The following ZNF804A variants were observed in gnomAD, a reference collection of about 807,000 sequenced individuals.
The protein encoded by ZNF804A is zinc finger protein 804A.
A neutral mutation model predicts 16.5 loss-of-function variants in ZNF804A; 2 were observed. The ratio of observed to expected loss-of-function variants is 0.12; its 90% CI spans 0.05 to 0.38. The LOEUF (loss-of-function observed/expected upper bound fraction) is 0.38, where lower values mean the gene tolerates loss of function less well. Among genes scored for constraint, ZNF804A ranks in the 10% least tolerant of loss-of-function variants. The probability of loss-of-function intolerance (pLI) is 0.99; values close to 1 mark genes in which losing one functional copy is unlikely to be tolerated. For missense variants in ZNF804A, 1,473 were observed against 1,390.7 expected, an observed-to-expected ratio of 1.06 and a Z score of -0.94; for synonymous variants, 534 against 489.6, an observed-to-expected ratio of 1.09 and a Z score of -1.20.
intron 1 of ZNF804A, among the ~76,000 whole-genome samples, chr2:184,623,161 A>G (rs1312631888): frequency 1.3e-5 from 2 of 152,118 alleles, no homozygotes; most frequent in Non-Finnish European, 2.9e-5. Flanking sequence ...CAATAATAGT[A>G]AGTACAACAT....
Position 184,936,700 on chromosome 2 carries a change from C to T in ZNF804A, c.1304C>T (p.Thr435Ile). The T allele has an allele frequency of 6.2e-7, 1 of 1,613,652 alleles. No homozygotes were observed. The highest frequency in any genetic ancestry group is 8.5e-7 in the Non-Finnish European group (1 of 1,179,830). ...CCTGTCCTTAACAAACACAGATCTA[C>T]AGTTCTTCAGTGGCCATCAGAAATG... ...FVPVLNKHRS[T>I]VLQWPSEMLV... The change falls in exon 4 of 4, where the codon ACA becomes ATA. Residue 435 changes from threonine to isoleucine, a missense_variant. Transcript: ENST00000302277.
chr2:184,906,748 A>T (rs558817624), intron 2 of ZNF804A, among the ~76,000 whole-genome samples: 7 of 152,302 alleles, frequency 4.6e-5, no homozygotes, highest in Admixed American at 2.0e-4. Context: ...TTGCGATACA[A>T]TTAAGATCTC....
At chr2:184,631,358 G>C (rs1691606519) in intron 1 of ZNF804A, among the ~76,000 whole-genome samples, 1 of 152,100 alleles carries the variant, frequency 6.6e-6, no homozygotes, top group Admixed American at 6.6e-5. Flanking sequence ...GTGCTTTGGA[G>C]TTACCATTAT....
rs148931756 is a variant in ZNF804A, at chr2:184,936,065, C to T, written c.669C>T (p.Ser223=). The T allele has an allele frequency of 1.3e-5, 21 of 1,613,818 alleles. No homozygotes were observed. In the Middle Eastern group the frequency reaches 4.9e-4, roughly 38 times the overall value. Residue 223 remains serine, a synonymous_variant, in exon 4 of 4, where the codon TCC becomes TCT. Transcript: ENST00000302277. ...CTTTTGCATTTCCAAAGAAAGCGTC[C>T]GTGAAGCTAGAGTCCTCAGCTGCAG... is the stretch of plus-strand genomic sequence containing the variant. ...GFSFAFPKKA[S]VKLESSAAAF...
At chr2:184,623,164 TACA>T (rs1215730248) in intron 1 of ZNF804A, among the ~76,000 whole-genome samples, 1 of 152,032 alleles carries the variant, frequency 6.6e-6, no homozygotes, top group East Asian at 1.9e-4. Flanking sequence ...TAATAGTAAG[TACA>T]ACATGTTTTA....
At chr2:184,796,822 G>C (rs963712455) in intron 1 of ZNF804A, among the ~76,000 whole-genome samples, 2 of 152,024 alleles carry the variant, frequency 1.3e-5, no homozygotes, top group Admixed American at 1.3e-4. Context: ...GGGGTAGGTT[G>C]TGTCATTACT....
chr2:184,900,926 C>A (rs1685170591), intron 2 of ZNF804A, among the ~76,000 whole-genome samples: 1 of 152,034 alleles, frequency 6.6e-6, no homozygotes, highest in African/African-American at 2.4e-5. Context: ...TTTCACTGTC[C>A]CTTTGTAGGA....
At chr2:184,836,330 C>A (rs150148053) in intron 1 of ZNF804A, among the ~76,000 whole-genome samples, 74 of 152,236 alleles carry the variant, frequency 4.9e-4, no homozygotes, top group South Asian at 1.7e-3. Flanking sequence ...GGCCTGAAAT[C>A]TGTTCGTGTT....
At chr2:184,892,041 T>C (rs1232989415) in intron 2 of ZNF804A, among the ~76,000 whole-genome samples, 1 of 152,236 alleles carries the variant, frequency 6.6e-6, no homozygotes, top group Non-Finnish European at 1.5e-5. Context: ...GACAGTTTAC[T>C]ACTGAATTCT....
intron 2 of ZNF804A, among the ~76,000 whole-genome samples, chr2:184,914,000 T>C (rs1446444804): frequency 2.6e-5 from 4 of 152,176 alleles, no homozygotes; most frequent in Non-Finnish European, 5.9e-5. Flanking sequence ...TTCATTCTTC[T>C]GTATCTGTGG....
chr2:184,810,637 C>T (rs891580611), intron 1 of ZNF804A, among the ~76,000 whole-genome samples: 4 of 151,776 alleles, frequency 2.6e-5, no homozygotes, highest in African/African-American at 4.8e-5. Context: ...ACTACCGGCG[C>T]CCGCCACCAC....
chr2:184,935,605 A>T (rs1249554025), intron 3 of ZNF804A, among the ~76,000 whole-genome samples, 178 bp from the exon 4 acceptor site: 4 of 152,230 alleles, frequency 2.6e-5, no homozygotes, highest in Non-Finnish European at 5.9e-5. Flanking sequence ...ACAGTAACCA[A>T]CAAGTAAATG....
intron 1 of ZNF804A, among the ~76,000 whole-genome samples, chr2:184,786,216 TAGG>T (rs1282254851): frequency 6.6e-6 from 1 of 152,080 alleles, no homozygotes; most frequent in South Asian, 2.1e-4. Context: ...CAGTAAATAC[TAGG>T]AGAAGAATGG....
At chr2:184,777,889 T>A (rs940579786) in intron 1 of ZNF804A, among the ~76,000 whole-genome samples, 3 of 151,626 alleles carry the variant, frequency 2.0e-5, no homozygotes, top group Admixed American at 1.3e-4. Context: ...TTTTGTTGAG[T>A]TGATAAAAAT....
chr2:184,617,198 G>A (rs757033597), intron 1 of ZNF804A, among the ~76,000 whole-genome samples: 1 of 152,088 alleles, frequency 6.6e-6, no homozygotes, highest in Non-Finnish European at 1.5e-5. Context: ...GGAAATGTAA[G>A]ACTATTTTGT....
chr2:184,711,403 T>A (rs570734165), intron 1 of ZNF804A, among the ~76,000 whole-genome samples: 1 of 151,824 alleles, frequency 6.6e-6, no homozygotes, highest in South Asian at 2.1e-4. Context: ...ATTTTAGATA[T>A]TGATCCTTTT....
At chr2:184,770,689 G>A (rs1373150341) in intron 1 of ZNF804A, among the ~76,000 whole-genome samples, 1 of 151,902 alleles carries the variant, frequency 6.6e-6, no homozygotes, top group Admixed American at 6.6e-5. Flanking sequence ...AATGTCAAAG[G>A]CTAATATAAT....
At chr2:184,810,373 T>A (rs1694873006) in intron 1 of ZNF804A, among the ~76,000 whole-genome samples, 1 of 152,160 alleles carries the variant, frequency 6.6e-6, no homozygotes, top group South Asian at 2.1e-4. Context: ...AGTGCACACA[T>A]TTGCATACAG....
At chr2:184,685,393 T>A (rs1481950060) in intron 1 of ZNF804A, among the ~76,000 whole-genome samples, 2 of 152,054 alleles carry the variant, frequency 1.3e-5, no homozygotes, top group African/African-American at 4.8e-5. Flanking sequence ...CTTCTTGTTA[T>A]CTGCAATGTG....
Sources: allele counts gnomAD v4.1 joint callset (sites outside exome capture counted in the v4.1 genomes callset), GRCh38; gene constraint gnomAD v4.1.1; transcripts MANE v1.5; gene names NCBI Gene and HGNC (gene_info 2026-07-23, HGNC 2026-07-21).